FMN1: variants seen among roughly 807,000 people sequenced by gnomAD.
The protein encoded by FMN1 is formin-1.
A neutral mutation model predicts 132.4 loss-of-function variants in FMN1; 110 were observed. The observed-to-expected ratio is 0.83, with a 90% CI of 0.71 to 0.97. The LOEUF is 0.97. Ranked by LOEUF, FMN1 falls within the 50% of genes least tolerant of loss-of-function variation. FMN1 has a pLI of 0.00. For missense variants in FMN1, 1,792 were observed against 1,705.3 expected (o/e 1.05, Z -0.90); for synonymous variants, 722 against 651.7 (o/e 1.11, Z -1.64).
chr15:32,800,269 C>T (rs187723669), intron 18 of FMN1, among the ~76,000 whole-genome samples: 4 of 152,236 alleles, frequency 2.6e-5, no homozygotes, highest in Admixed American at 1.3e-4. Flanking sequence ...AACTACTGGT[C>T]AGGGAATTTT....
chr15:32,844,256 T>TTTTTAG, intron 17 of FMN1, among the ~76,000 whole-genome samples: 1 of 152,288 alleles, frequency 6.6e-6, no homozygotes, highest in East Asian at 1.9e-4. Flanking sequence ...TCTTTTTCCA[T>TTTTTAG]CATTTTTAGC....
At chr15:33,078,905 C>G (rs1303163107) in intron 5 of FMN1, among the ~76,000 whole-genome samples, 6 of 152,084 alleles carry the variant, frequency 3.9e-5, no homozygotes, top group Non-Finnish European at 8.8e-5. Flanking sequence ...TCACAGCACT[C>G]TAAGTTTAGT....
At chr15:32,925,550 G>A (rs2060939500) in intron 10 of FMN1, among the ~76,000 whole-genome samples, 1 of 152,018 alleles carries the variant, frequency 6.6e-6, no homozygotes, top group Non-Finnish European at 1.5e-5. Context: ...AAAAATGGAG[G>A]GTAGAAACTT....
At chr15:32,808,754 C>G (rs1265676964) in intron 17 of FMN1, among the ~76,000 whole-genome samples, 2 of 152,178 alleles carry the variant, frequency 1.3e-5, no homozygotes, top group Non-Finnish European at 2.9e-5. Context: ...TGGCTAGAAG[C>G]AAATGCTAGT....
At chr15:33,174,853 T>C (rs368156121) in intron 3 of FMN1, among the ~76,000 whole-genome samples, 1 of 152,368 alleles carries the variant, frequency 6.6e-6, no homozygotes, top group East Asian at 1.9e-4. Context: ...TTTCACACTT[T>C]AGTGTTTCCA....
At chr15:32,812,984 A>C (rs567606277) in intron 17 of FMN1, among the ~76,000 whole-genome samples, 1 of 94,776 alleles carries the variant, frequency 1.1e-5, no homozygotes, top group African/African-American at 2.8e-5. Context: ...CAGACTGAAA[A>C]CATTTGGGGA....
At chr15:33,012,798 T>C in intron 6 of FMN1, 3 of 681,498 alleles carry the variant, frequency 4.4e-6, no homozygotes, top group East Asian at 2.9e-5. Flanking sequence ...ATGGTGGCTT[T>C]AGTGGCAGCT....
At chr15:32,948,928 G>C (rs2061565499) in intron 9 of FMN1, among the ~76,000 whole-genome samples, 1 of 151,564 alleles carries the variant, frequency 6.6e-6, no homozygotes, top group Admixed American at 6.6e-5. Flanking sequence ...TTTTCCTGCT[G>C]TTCAACCTAA....
At chr15:33,089,849 G>T (rs1029139544) in intron 4 of FMN1, among the ~76,000 whole-genome samples, 1 of 152,124 alleles carries the variant, frequency 6.6e-6, no homozygotes, top group Non-Finnish European at 1.5e-5. Flanking sequence ...TATAACAAAA[G>T]GATTTTACGG....
In FMN1 at chr15:33,082,093, A is replaced by ATGTGTGTGTGTG. The variant is rs61138142; in HGVS notation, c.2043+6694_2043+6705dup. 6.8e-3 allele frequency among the ~76,000 whole-genome samples: 814 copies of ATGTGTGTGTGTG among 120,358 alleles called. 6 individuals carry two copies. The highest frequency in any genetic ancestry group is 0.02 in the African/African-American group (572 of 28,526). The allele number at this position is 120,358 out of a possible 152,430, so 79.0% of individuals were successfully genotyped here. A position where few individuals can be genotyped will look rare whatever the true frequency, so the allele number is the denominator to read the frequency against. On this transcript the variant is annotated intron_variant, in intron 5 of 20. Coordinates refer to ENST00000616417, the MANE Select transcript of FMN1 (RefSeq NM_001277313.2). ...GCTTTGTCACCCAGGCTGGAAAACAATGTGTGTGTGTGTGTGTGTGTGTGT... is the reference window on the plus strand; with the variant it reads ...GCTTTGTCACCCAGGCTGGAAAACAATGTGTGTGTGTGTGTGTGTGTGTGTGTGTGTGTGTGT...
At chr15:33,030,939 A>T (rs1266899177) in intron 6 of FMN1, among the ~76,000 whole-genome samples, 1 of 152,018 alleles carries the variant, frequency 6.6e-6, no homozygotes, top group African/African-American at 2.4e-5. Flanking sequence ...GGTCATCTAC[A>T]TTGGGTATTT....
At chr15:32,870,583 G>A in intron 16 of FMN1, among the ~76,000 whole-genome samples, 1 of 152,176 alleles carries the variant, frequency 6.6e-6, no homozygotes, top group Middle Eastern at 3.2e-3. Flanking sequence ...ATTGTCTAAA[G>A]CACCATTCAA....
At chr15:32,964,016 T>TATACACACACACACAC (rs1555505892) in intron 9 of FMN1, 91 bp downstream of exon 9, 10 of 508,242 alleles carry the variant, frequency 2.0e-5, no homozygotes, top group African/African-American at 1.2e-4. Flanking sequence ...GTATATACGA[T>TATACACACACACACAC]ACACACACAC....
intron 3 of FMN1, among the ~76,000 whole-genome samples, chr15:33,174,160 A>C (rs377650668): frequency 4.6e-5 from 7 of 152,144 alleles, no homozygotes; most frequent in South Asian, 4.1e-4. Flanking sequence ...AAAAAAGAAG[A>C]AGCTCAATGA....
At chr15:33,113,799 C>T (rs972156935) in intron 4 of FMN1, among the ~76,000 whole-genome samples, 1 of 152,214 alleles carries the variant, frequency 6.6e-6, no homozygotes, top group African/African-American at 2.4e-5. Context: ...TCCTTCCAGA[C>T]GGTCTTACAG....
chr15:33,114,333 G>C (rs1419032886), intron 4 of FMN1, among the ~76,000 whole-genome samples: 2 of 152,226 alleles, frequency 1.3e-5, no homozygotes, highest in Non-Finnish European at 2.9e-5. Flanking sequence ...TCTGGACAGT[G>C]ACATAAGAAG....
At chr15:32,937,092 G>A (rs2061293547) in intron 9 of FMN1, among the ~76,000 whole-genome samples, 1 of 152,116 alleles carries the variant, frequency 6.6e-6, no homozygotes, top group East Asian at 1.9e-4. Context: ...AGGATTTGGA[G>A]GTTTACTCTC....
chr15:33,093,289 G>A (rs1178908837), intron 4 of FMN1, among the ~76,000 whole-genome samples: 3 of 149,042 alleles, frequency 2.0e-5, no homozygotes, highest in Admixed American at 6.7e-5. Flanking sequence ...ACCCTAAGAG[G>A]TAAAGTTTTC....
intron 7 of FMN1, among the ~76,000 whole-genome samples, chr15:32,984,907 C>A (rs1178635110): frequency 6.9e-6 from 1 of 145,200 alleles, no homozygotes; most frequent in African/African-American, 2.6e-5. Flanking sequence ...TTTATTGATA[C>A]GTAGGTCTTC....
Sources: allele counts gnomAD v4.1 joint callset (sites outside exome capture counted in the v4.1 genomes callset), GRCh38; gene constraint gnomAD v4.1.1; transcripts MANE v1.5; gene names NCBI Gene and HGNC (gene_info 2026-07-23, HGNC 2026-07-21).